WWTR1: variants seen among roughly 807,000 people sequenced by gnomAD.
The protein encoded by WWTR1 is WW domain containing transcription regulator 1, also known as WW domain-containing transcription regulator protein 1.
In WWTR1, 13 loss-of-function variants were observed where a neutral mutation model predicts 40.1. The observed-to-expected ratio is 0.32, with a 90% CI of 0.21 to 0.52. WWTR1 has a LOEUF of 0.52. WWTR1 is among the 20% of genes least tolerant of loss of function. The pLI is 0.97. For missense variants in WWTR1, 436 were observed against 523.1 expected (o/e 0.83, Z 1.63); for synonymous variants, 230 against 210.1 (o/e 1.09, Z -0.82).
At chr3:149,614,939 C>T (rs762444368) in intron 2 of WWTR1, among the ~76,000 whole-genome samples, 8 of 151,592 alleles carry the variant, frequency 5.3e-5, no homozygotes, top group Admixed American at 2.6e-4. Flanking sequence ...GCTGAGATGG[C>T]GCCATTGTAC....
Position 149,657,275 on chromosome 3 carries a change from G to A in WWTR1, c.32C>T (p.Pro11Leu), listed in dbSNP as rs1435169768. The change falls in exon 2 of 7, where the codon CCG becomes CTG. Residue 11 changes from proline (P) to leucine (L), a missense_variant. Coordinates refer to ENST00000360632, the MANE Select transcript of WWTR1 (RefSeq NM_015472.6). The stretch of plus-strand genomic sequence containing the variant: ...GTGGATCACTTGCTGCCCAGGCGGC[G>A]GGAGCGGAGGGGGCGCCGAGGCCGG... MNPASAPPPLPPPGQQVIHVT... is the reference protein window; with the variant it reads MNPASAPPPLLPPGQQVIHVT... 2 of 1,612,780 alleles carry A rather than the reference G, an allele frequency of 1.2e-6. No individual in the cohort carries two copies. Among genetic ancestry groups the A allele is most frequent in the Admixed American group, 3.3e-5 (2 of 59,920 alleles).
intron 3 of WWTR1, among the ~76,000 whole-genome samples, chr3:149,547,483 G>A (rs372676017): frequency 1.3e-5 from 2 of 151,952 alleles, no homozygotes; most frequent in African/African-American, 4.8e-5. Context: ...CCGAGATCAC[G>A]CCATTGCACT....
chr3:149,595,295 T>G (rs1409726838), intron 2 of WWTR1, among the ~76,000 whole-genome samples: 2 of 152,104 alleles, frequency 1.3e-5, no homozygotes, highest in African/African-American at 4.8e-5. Context: ...GGTTAACAAT[T>G]GCTGAACCTA....
At chr3:149,532,856 T>C (rs1264262584) in intron 4 of WWTR1, among the ~76,000 whole-genome samples, 1 of 152,172 alleles carries the variant, frequency 6.6e-6, no homozygotes, top group Non-Finnish European at 1.5e-5. Context: ...TGGATGAAAC[T>C]AAAGCAGCTG....
intron 2 of WWTR1, among the ~76,000 whole-genome samples, chr3:149,646,655 T>C (rs1712549795): frequency 6.6e-6 from 1 of 152,196 alleles, no homozygotes; most frequent in Non-Finnish European, 1.5e-5. Flanking sequence ...ATCAGCCTTG[T>C]ATAAGAAGGA....
intron 2 of WWTR1, among the ~76,000 whole-genome samples, chr3:149,616,683 C>T (rs1230701337): frequency 6.6e-6 from 1 of 152,212 alleles, no homozygotes. Flanking sequence ...CTCAGGTGAT[C>T]TGCCCGCCTC....
At chr3:149,580,123 G>A (rs139468971) in intron 2 of WWTR1, among the ~76,000 whole-genome samples, 1 of 152,238 alleles carries the variant, frequency 6.6e-6, no homozygotes, top group African/African-American at 2.4e-5. Flanking sequence ...TGTATGTTGG[G>A]GATAAATACT....
chr3:149,575,932 C>A, intron 2 of WWTR1: 1 of 456,042 alleles, frequency 2.2e-6, no homozygotes, highest in South Asian at 1.6e-5. Context: ...TCCTGCAGTG[C>A]AGTGGGAGCC....
chr3:149,707,551 CAT>C (rs1325682210), upstream of WWTR1, among the ~76,000 whole-genome samples: 12 of 152,122 alleles, frequency 7.9e-5, no homozygotes, highest in African/African-American at 2.7e-4. Flanking sequence ...AGGGCAGTCA[CAT>C]GAGTTTAGGA....
chr3:149,672,918 G>A (rs1275455273), intron 1 of WWTR1, among the ~76,000 whole-genome samples: 2 of 151,858 alleles, frequency 1.3e-5, no homozygotes, highest in Non-Finnish European at 2.9e-5. Flanking sequence ...GAGGAGCTGG[G>A]ACTACAGGCG....
intron 2 of WWTR1, among the ~76,000 whole-genome samples, chr3:149,624,022 C>T (rs1176848782): frequency 6.6e-6 from 1 of 152,194 alleles, no homozygotes; most frequent in Non-Finnish European, 1.5e-5. Context: ...ATCGTCTGCC[C>T]AGAATCACTT....
chr3:149,557,078 T>TTTTC (rs1024642220), intron 3 of WWTR1, among the ~76,000 whole-genome samples: 1 of 135,948 alleles, frequency 7.4e-6, no homozygotes, highest in African/African-American at 2.7e-5. Flanking sequence ...TTTTTTTTTT[T>TTTTC]TTTTTTTTTT....
chr3:149,539,153 T>C (rs1022933444), intron 4 of WWTR1, among the ~76,000 whole-genome samples: 1 of 152,202 alleles, frequency 6.6e-6, no homozygotes, highest in Non-Finnish European at 1.5e-5. Flanking sequence ...AGGAGTTGTT[T>C]TTTTCATGGC....
chr3:149,599,630 A>G (rs945193756), intron 2 of WWTR1, among the ~76,000 whole-genome samples: 8 of 152,368 alleles, frequency 5.3e-5, no homozygotes, highest in Middle Eastern at 3.4e-3. Flanking sequence ...TGGAAATAAG[A>G]CTTAATCAAG....
At position 149,576,355 on chromosome 3, in the gene WWTR1, G is replaced by A. The variant is rs549301017; in HGVS notation, c.432-3355C>T. ...ACTTCCCACCACTTCCCAAACCCAG[G>A]ATACGCCATTCACTCTTTCACTCTG... On this transcript the variant is annotated intron_variant, in intron 2 of 6. Transcript: ENST00000360632. 211 of 306,000 alleles carry A rather than the reference G, an allele frequency of 6.9e-4. 4 individuals are homozygous for A. Among genetic ancestry groups the A allele is most frequent in the South Asian group, 6.4e-3 (203 of 31,938 alleles). 19.0% of individuals were successfully genotyped at this position (306,000 alleles called of 1,614,324 possible). A position where few individuals can be genotyped will look rare whatever the true frequency, so the allele number is the denominator to read the frequency against.
intron 2 of WWTR1, among the ~76,000 whole-genome samples, chr3:149,666,433 A>G (rs977066040): frequency 3.9e-5 from 6 of 152,210 alleles, no homozygotes; most frequent in African/African-American, 1.4e-4. Context: ...TTTCTAGATA[A>G]TCTTAGATAA....
intron 6 of WWTR1, 60 bp downstream of exon 6, chr3:149,525,953 C>T (rs1032436240): frequency 1.0e-5 from 10 of 952,624 alleles, no homozygotes; most frequent in Non-Finnish European, 1.5e-5. Context: ...ATTGAGATAA[C>T]CGAAGAGATC....
chr3:149,563,278 C>A lies in WWTR1; in HGVS notation c.568+9586G>T, dbSNP rs1377105410. Among the ~76,000 whole-genome samples, 4 of 152,110 alleles carry A rather than the reference C, an allele frequency of 2.6e-5. No individual in the cohort carries two copies. The East Asian group carries it at 7.7e-4, about 29-fold the overall frequency. ...ACCTAGCCTTCACCTTCCTAAAAGG[C>A]CTCCCTCTTCCCCAGGTGTGGGGGT... On this transcript the variant is annotated intron_variant, in intron 3 of 6. Transcript: ENST00000360632.
chr3:149,579,261 C>T lies in WWTR1; in HGVS notation c.432-6261G>A, dbSNP rs144010815. On this transcript the variant is annotated intron_variant, in intron 2 of 6. Transcript: ENST00000360632. ...CCCTCCATCAGCAGAGTGGTTAGGA[C>T]GGGACCTGGAAGCAGCCTCCAAACT... 8.2e-3 allele frequency among the ~76,000 whole-genome samples: 1,252 copies of T among 152,232 alleles called. 4 individuals carry two copies. Among genetic ancestry groups the T allele is most frequent in the Middle Eastern group, 0.027 (8 of 294 alleles).
Sources: gnomAD v4.1 joint callset for allele counts (sites outside exome capture counted in the v4.1 genomes callset) on GRCh38, gnomAD v4.1.1 for gene constraint, MANE v1.5 for transcripts, NCBI Gene and HGNC (gene_info 2026-07-23, HGNC 2026-07-21) for gene names.